COL18A1: variants seen among roughly 807,000 people sequenced by gnomAD.
COL18A1 encodes collagen alpha-1(XVIII) chain.
In COL18A1, 133 loss-of-function variants were observed where a neutral mutation model predicts 168.0. The ratio of observed to expected loss-of-function variants is 0.79; its 90% CI spans 0.69 to 0.91. The LOEUF (loss-of-function observed/expected upper bound fraction) is 0.91. Ranked by LOEUF, COL18A1 falls within the 40% of genes least tolerant of loss-of-function variation. COL18A1 has a pLI of 0.00. For missense variants in COL18A1, 2,126 were observed against 1,925.4 expected (o/e 1.10, Z -1.95); for synonymous variants, 949 against 809.0 (o/e 1.17, Z -2.94).
In COL18A1 at chr21:45,475,185, G is replaced by A. The variant is rs1285598786; in HGVS notation, c.739-291G>A. Reference sequence around the variant, plus strand: ...GCAGGGCTCTGGCCAGAAGAGAGGAGCGCGTTCCCCCTCCCGCCTCCGCAT... The same window carrying A: ...GCAGGGCTCTGGCCAGAAGAGAGGAACGCGTTCCCCCTCCCGCCTCCGCAT... On this transcript the variant is annotated intron_variant, in intron 4 of 41. Transcript: ENST00000651438. 2.0e-5 allele frequency among the ~76,000 whole-genome samples: 3 copies of A among 152,226 alleles called. No individual in the cohort carries two copies. The East Asian group carries it at 5.8e-4, about 29-fold the overall frequency.
rs765742668 is a variant in COL18A1, at chr21:45,479,899, C to CAGGG, written c.1249-2_1250dup. The CAGGG allele has an allele frequency of 6.2e-7, 1 of 1,613,444 alleles. No homozygotes were observed. The highest frequency in any genetic ancestry group is 8.5e-7 in the Non-Finnish European group (1 of 1,179,922). ...GACCGGGCCCCCGGATGTTGTGTTC[C>CAGGG]AGGGCGACACCGGGCCACAAGGCTT... On this transcript the variant is annotated splice_region_variant and splice_polypyrimidine_tract_variant and intron_variant, in intron 9 of 41. Transcript: ENST00000651438.
chr21:45,513,544 C>CG lies in COL18A1; in HGVS notation c.*1146_*1147insG, dbSNP rs2037730978. 3 of 109,932 alleles carry CG rather than the reference C, an allele frequency of 2.7e-5. No homozygotes were observed. In the South Asian group the frequency reaches 8.7e-4, roughly 32 times the overall value. 6.8% of individuals were successfully genotyped at this position (109,932 alleles called of 1,614,324 possible). A position where few individuals can be genotyped will look rare whatever the true frequency, so the allele number is the denominator to read the frequency against. ...CACCCCTGAGATCCGGCAACATCAA[C>CG]CCGAGTCATTCGTTCTGTGGAGGGA... On this transcript the variant is annotated 3_prime_UTR_variant, in exon 42 of 42. Transcript: ENST00000651438.
At chr21:45,481,276 A>G (rs1246759154) in intron 13 of COL18A1, among the ~76,000 whole-genome samples, 1 of 152,136 alleles carries the variant, frequency 6.6e-6, no homozygotes, top group East Asian at 1.9e-4. Flanking sequence ...CAGGCTCCCC[A>G]CCAGCTCTGC....
At chr21:45,442,327 C>T (rs1243354255) in intron 2 of COL18A1, among the ~76,000 whole-genome samples, 4 of 152,214 alleles carry the variant, frequency 2.6e-5, no homozygotes, top group Admixed American at 2.0e-4. Context: ...TGATGAAAAC[C>T]GTGAAGCCAC....
chr21:45,420,324 AG>A, intron 2 of COL18A1: 1 of 152,430 alleles, frequency 6.6e-6, no homozygotes, highest in African/African-American at 2.4e-5. Context: ...CCAGCCTGGC[AG>A]GACGGGCAGC....
intron 8 of COL18A1, 141 bp from the exon 9 acceptor site, chr21:45,478,186 T>C: frequency 2.7e-6 from 3 of 1,114,684 alleles, no homozygotes; most frequent in Non-Finnish European, 4.1e-6. Flanking sequence ...AGGAGGCTCC[T>C]GGCGCGGGTG....
Position 45,479,823 on chromosome 21 carries a change from G to A in COL18A1, c.1249-79G>A, listed in dbSNP as rs113263045. On this transcript the variant is annotated intron_variant, in intron 9 of 41. Coordinates refer to ENST00000651438, the MANE Select transcript of COL18A1 (RefSeq NM_001379500.1). ...CTCAGCTCCCGTCCGTCCCCTGCTT[G>A]GGGGAGGAGCACTGAGAGTGCTGGG... 1.8e-4 allele frequency: 288 copies of A among 1,591,364 alleles called. No individual in the cohort carries two copies. In the African/African-American group the frequency reaches 3.5e-3, roughly 19 times the overall value.
At chr21:45,497,919 C>T in intron 32 of COL18A1, 2 of 607,912 alleles carry the variant, frequency 3.3e-6, no homozygotes. Context: ...GCTGCCCTTC[C>T]ATGCTAGACC....
At chr21:45,455,212 C>T (rs2034752498) in intron 2 of COL18A1, among the ~76,000 whole-genome samples, 1 of 152,222 alleles carries the variant, frequency 6.6e-6, no homozygotes, top group Non-Finnish European at 1.5e-5. Context: ...AGCAGCCCTG[C>T]CCCGGCAGAG....
chr21:45,450,436 C>G (rs896309867), intron 2 of COL18A1, among the ~76,000 whole-genome samples: 1 of 152,210 alleles, frequency 6.6e-6, no homozygotes, highest in Non-Finnish European at 1.5e-5. Context: ...ACGCCTCTGA[C>G]GATTGAACAG....
chr21:45,492,813 G>A, intron 24 of COL18A1, 100 bp downstream of exon 24: 1 of 927,564 alleles, frequency 1.1e-6, no homozygotes, highest in Non-Finnish European at 1.7e-6. Context: ...GGCCTTGTCA[G>A]GCCCGAGGGA....
At chr21:45,412,237 C>CTT (rs138419367) in intron 2 of COL18A1, among the ~76,000 whole-genome samples, 19,509 of 52,258 alleles carry the variant, frequency 0.37, 2,320 homozygotes, top group East Asian at 0.69. Flanking sequence ...GGGTATATTT[C>CTT]TTTTTTTTTT....
chr21:45,486,317 C>G (rs1262441010), intron 15 of COL18A1, among the ~76,000 whole-genome samples: 2 of 139,174 alleles, frequency 1.4e-5, no homozygotes, highest in Non-Finnish European at 3.1e-5. Context: ...TCTCTCCTCT[C>G]TTCTCCCCTC....
chr21:45,482,313 A>C, intron 14 of COL18A1: 1 of 679,636 alleles, frequency 1.5e-6, no homozygotes, highest in Non-Finnish European at 2.7e-6. Flanking sequence ...GTTACGGGGC[A>C]GTGGCCATGA....
At chr21:45,437,907 G>C (rs1265234801) in intron 2 of COL18A1, among the ~76,000 whole-genome samples, 2 of 17,106 alleles carry the variant, frequency 1.2e-4, no homozygotes, top group Non-Finnish European at 1.8e-4. Context: ...CACTCACTCA[G>C]ACACAGGCAC....
At chr21:45,496,767 G>A (rs2036557952) in intron 30 of COL18A1, among the ~76,000 whole-genome samples, 199 bp downstream of exon 30, 1 of 152,258 alleles carries the variant, frequency 6.6e-6, no homozygotes, top group African/African-American at 2.4e-5. Context: ...CTCTGGGTGT[G>A]GAGCTGCTTC....
At chr21:45,485,476 A>G (rs577039927) in intron 15 of COL18A1, among the ~76,000 whole-genome samples, 1 of 151,056 alleles carries the variant, frequency 6.6e-6, no homozygotes, top group Admixed American at 6.6e-5. Context: ...AGCCTGGGCA[A>G]CAGAGCGAGA....
Position 45,493,216 on chromosome 21 carries a change from G to T in COL18A1, c.2268G>T (p.Pro756=). The part of the protein sequence containing the change: ...NLGSKGERGS[P]GPKGEKGEPG... ...GCTCTAAGGGCGAACGAGGCTCCCCGGGACCCAAGGTAAGGGGCTCAGGTG... is the reference window on the plus strand; with the variant it reads ...GCTCTAAGGGCGAACGAGGCTCCCCTGGACCCAAGGTAAGGGGCTCAGGTG... Residue 756 remains proline (P), a synonymous_variant, in exon 25 of 42, where the codon CCG becomes CCT. Coordinates refer to ENST00000651438, the MANE Select transcript of COL18A1 (RefSeq NM_001379500.1). The T allele has an allele frequency of 1.9e-6, 3 of 1,559,068 alleles. No homozygotes were observed. Among genetic ancestry groups the T allele is most frequent in the Non-Finnish European group, 2.6e-6 (3 of 1,151,356 alleles).
intron 2 of COL18A1, among the ~76,000 whole-genome samples, chr21:45,435,623 TG>T (rs1327196573): frequency 6.6e-6 from 1 of 151,882 alleles, no homozygotes; most frequent in African/African-American, 2.4e-5. Context: ...AGAGGTTGGC[TG>T]GGGCAGAGGT....
Sources: allele counts gnomAD v4.1 joint callset (sites outside exome capture counted in the v4.1 genomes callset), GRCh38; gene constraint gnomAD v4.1.1; transcripts MANE v1.5; gene names NCBI Gene and HGNC (gene_info 2026-07-23, HGNC 2026-07-21).